MECOM: variants seen among roughly 807,000 people sequenced by gnomAD.
MECOM encodes the protein MDS1 and EVI1 complex locus, also known as histone-lysine N-methyltransferase MECOM.
A neutral mutation model predicts 116.3 loss-of-function variants in MECOM; 13 were observed. The observed-to-expected ratio is 0.11, with a 90% CI of 0.07 to 0.18. MECOM has a LOEUF of 0.18. MECOM is among the 10% of genes least tolerant of loss of function. The pLI is 1.00. For missense variants in MECOM, 1,299 were observed against 1,509.0 expected (o/e 0.86, Z 2.31); for synonymous variants, 528 against 535.2 (o/e 0.99, Z 0.19).
At chr3:169,637,584 C>T (rs1654603898) in intron 1 of MECOM, among the ~76,000 whole-genome samples, 1 of 152,192 alleles carries the variant, frequency 6.6e-6, no homozygotes, top group Non-Finnish European at 1.5e-5. Context: ...GAACTGAGCT[C>T]TCTGGCACTG....
At chr3:169,169,634 T>TA (rs78738051) in intron 2 of MECOM, among the ~76,000 whole-genome samples, 6 of 152,028 alleles carry the variant, frequency 3.9e-5, no homozygotes, top group African/African-American at 1.2e-4. Flanking sequence ...CTCTTGTACT[T>TA]AAAAAAAACC....
rs10576266 is a variant in MECOM at position 169,180,794 on chromosome 3, G to GATATATATATATATATATATAT, written c.376-36963_376-36962insATATATATATATATATATATAT. On this transcript the variant is annotated intron_variant, in intron 2 of 16. Coordinates refer to ENST00000651503, the MANE Select transcript of MECOM (RefSeq NM_004991.4). ...TATGTATGTGTGTGTGTGTGGAGAT[G>GATATATATATATATATATATAT]ATATATATATATATATATATCAGGC... Among the ~76,000 whole-genome samples the GATATATATATATATATATATAT allele has an allele frequency of 3.6e-3, 386 of 108,684 alleles. 11 individuals carry two copies. Among genetic ancestry groups the GATATATATATATATATATATAT allele is most frequent in the Middle Eastern group, 8.2e-3 (2 of 244 alleles). The allele number at this position is 108,684 out of a possible 152,430, so 71.3% of individuals were successfully genotyped here.
chr3:169,318,492 A>G (rs1302863859), intron 2 of MECOM, among the ~76,000 whole-genome samples: 4 of 152,248 alleles, frequency 2.6e-5, no homozygotes, highest in Non-Finnish European at 4.4e-5. Flanking sequence ...GAAGACATTT[A>G]TGTGACCAAC....
chr3:169,472,517 GGAAAGAAAAGAA>G (rs756202091), intron 1 of MECOM, among the ~76,000 whole-genome samples: 4 of 90,828 alleles, frequency 4.4e-5, no homozygotes, highest in Non-Finnish European at 8.4e-5. Context: ...GGAAAGGAAA[GGAAAGAAAAGAA>G]AAGAAAAGGA....
chr3:169,507,649 G>GTTTTTTTTTTTTTTTT (rs1491033517), intron 1 of MECOM, among the ~76,000 whole-genome samples: 2 of 65,096 alleles, frequency 3.1e-5, no homozygotes, highest in Non-Finnish European at 6.0e-5. Context: ...ATCCCCACTT[G>GTTTTTTTTTTTTTTTT]CTTTTTTTTT....
intron 1 of MECOM, among the ~76,000 whole-genome samples, chr3:169,588,269 C>T (rs191383706): frequency 7.2e-5 from 11 of 152,218 alleles, no homozygotes; most frequent in African/African-American, 2.4e-4. Flanking sequence ...GATGACTTCC[C>T]CAAGGCTGCC....
At chr3:169,111,395 TTTATAA>T (rs1395617010) in intron 9 of MECOM, among the ~76,000 whole-genome samples, 1 of 152,176 alleles carries the variant, frequency 6.6e-6, no homozygotes, top group Non-Finnish European at 1.5e-5. Context: ...TAAGTATTTA[TTTATAA>T]TTATAAAGGA....
chr3:169,280,634 G>A (rs11918726), intron 2 of MECOM, among the ~76,000 whole-genome samples: 5,370 of 152,256 alleles, frequency 0.035, 232 homozygotes, highest in African/African-American at 0.11. Flanking sequence ...GCTGTAGCTG[G>A]AGGTATGGAT....
chr3:169,224,927 C>A (rs930830050), intron 2 of MECOM, among the ~76,000 whole-genome samples: 1 of 152,162 alleles, frequency 6.6e-6, no homozygotes, highest in Non-Finnish European at 1.5e-5. Context: ...GGGGCAAGTT[C>A]TTGGCAAAAT....
intron 1 of MECOM, among the ~76,000 whole-genome samples, chr3:169,638,611 T>C (rs1773096358): frequency 6.6e-6 from 1 of 152,232 alleles, no homozygotes; most frequent in Non-Finnish European, 1.5e-5. Flanking sequence ...GTCAGTCTAA[T>C]AGGCAATGGA....
At chr3:169,588,550 T>C (rs1335963450) in intron 1 of MECOM, among the ~76,000 whole-genome samples, 1 of 152,220 alleles carries the variant, frequency 6.6e-6, no homozygotes, top group Non-Finnish European at 1.5e-5. Context: ...TCCTCATTTG[T>C]TTCTGCGTCA....
chr3:169,176,859 GA>G (rs1289795909), intron 2 of MECOM, among the ~76,000 whole-genome samples: 8 of 151,986 alleles, frequency 5.3e-5, no homozygotes, highest in Non-Finnish European at 7.4e-5. Flanking sequence ...ACAAACATAT[GA>G]AAAAAAGCTC....
intron 1 of MECOM, among the ~76,000 whole-genome samples, chr3:169,621,208 C>T (rs1233694326): frequency 6.6e-6 from 1 of 152,196 alleles, no homozygotes; most frequent in African/African-American, 2.4e-5. Flanking sequence ...TGCTCTATTT[C>T]ACATTTCTTA....
intron 1 of MECOM, among the ~76,000 whole-genome samples, chr3:169,619,423 C>T (rs1770432614): frequency 1.3e-5 from 2 of 152,220 alleles, no homozygotes; most frequent in South Asian, 4.1e-4. Flanking sequence ...CTTTGCCCAC[C>T]TGGCCCTTCC....
chr3:169,472,578 G>GAAA (rs1560318449), intron 1 of MECOM, among the ~76,000 whole-genome samples: 25 of 74,472 alleles, frequency 3.4e-4, no homozygotes, highest in Non-Finnish European at 5.5e-4. Flanking sequence ...GAGAGGAGAG[G>GAAA]AGAGGAAAGG....
intron 2 of MECOM, among the ~76,000 whole-genome samples, chr3:169,236,388 A>G (rs1754072838): frequency 6.6e-6 from 1 of 152,214 alleles, no homozygotes; most frequent in African/African-American, 2.4e-5. Context: ...AGAAGTAACT[A>G]AAAATGACGT....
intron 2 of MECOM, among the ~76,000 whole-genome samples, chr3:169,278,215 G>A (rs912989755): frequency 1.3e-5 from 2 of 152,044 alleles, no homozygotes; most frequent in South Asian, 4.1e-4. Flanking sequence ...TCTCTTAAAA[G>A]GACCACATTA....
intron 1 of MECOM, among the ~76,000 whole-genome samples, chr3:169,477,850 T>C (rs776966529): frequency 3.9e-5 from 6 of 152,176 alleles, no homozygotes; most frequent in Non-Finnish European, 8.8e-5. Context: ...TCAGAACCTG[T>C]AAAAGTTGAG....
rs76232025 is a variant in MECOM at position 169,641,660 on chromosome 3, T to G, written c.37+21676A>C. ...AGTTAACAAAGCATTCTCCAATGTA[T>G]TAGCTCATTTGAACCTCACGCTAAT... On this transcript the variant is annotated intron_variant, in intron 1 of 16. Transcript: ENST00000651503. 8.5e-5 allele frequency among the ~76,000 whole-genome samples: 13 copies of G among 152,354 alleles called. No homozygotes were observed. The East Asian group carries it at 2.5e-3, about 29-fold the overall frequency.
Sources: gnomAD v4.1 joint callset for allele counts (sites outside exome capture counted in the v4.1 genomes callset) on GRCh38, gnomAD v4.1.1 for gene constraint, MANE v1.5 for transcripts, NCBI Gene and HGNC (gene_info 2026-07-23, HGNC 2026-07-21) for gene names.